The following ARIH2 variants were observed in gnomAD, a reference collection of about 807,000 sequenced individuals.
The protein encoded by ARIH2 is E3 ubiquitin-protein ligase ARIH2.
A neutral mutation model predicts 79.8 loss-of-function variants in ARIH2; 12 were observed. The observed-to-expected ratio is 0.15, with a 90% confidence interval of 0.10 to 0.24. The LOEUF is 0.24. Ranked by LOEUF, ARIH2 falls within the 10% of genes least tolerant of loss-of-function variation. The pLI, the probability that ARIH2 is intolerant of heterozygous loss-of-function variation, is 1.00. For missense variants in ARIH2, 301 were observed against 618.3 expected (o/e 0.49, Z 5.44); for synonymous variants, 224 against 213.9 (o/e 1.05, Z -0.41).
intron 3 of ARIH2, among the ~76,000 whole-genome samples, chr3:48,929,085 C>G (rs2086024382): frequency 6.6e-6 from 1 of 152,102 alleles, no homozygotes; most frequent in Non-Finnish European, 1.5e-5. Flanking sequence ...GTCATACTGT[C>G]AGGTTATATA....
chr3:48,939,783 CAAAAAAACAAAA>C (rs1234510731), intron 3 of ARIH2, among the ~76,000 whole-genome samples: 106 of 132,746 alleles, frequency 8.0e-4, no homozygotes, highest in African/African-American at 2.8e-3. Flanking sequence ...AAAACAAAAA[CAAAAAAACAAAA>C]AAAAAAACTG....
chr3:48,933,643 G>A (rs890937866), intron 3 of ARIH2, among the ~76,000 whole-genome samples: 1 of 150,106 alleles, frequency 6.7e-6, no homozygotes, highest in Admixed American at 6.7e-5. Context: ...TCCGCCTACC[G>A]GGTTCATACC....
At chr3:48,940,279 A>G (rs941284674) in intron 3 of ARIH2, among the ~76,000 whole-genome samples, 1 of 152,200 alleles carries the variant, frequency 6.6e-6, no homozygotes, top group African/African-American at 2.4e-5. Context: ...CTGAGGTGGG[A>G]GAATCACTTG....
intron 1 of ARIH2, among the ~76,000 whole-genome samples, chr3:48,920,088 T>TC: frequency 6.6e-6 from 1 of 151,128 alleles, no homozygotes; most frequent in Non-Finnish European, 1.5e-5. Context: ...CAAGTGATCC[T>TC]CCTTTCTTAG....
intron 3 of ARIH2, among the ~76,000 whole-genome samples, chr3:48,947,211 C>T (rs533177430): frequency 6.6e-6 from 1 of 152,208 alleles, no homozygotes; most frequent in Non-Finnish European, 1.5e-5. Context: ...GAGGCCGAGG[C>T]GGGGGGATCA....
intron 3 of ARIH2, chr3:48,949,206 C>T (rs1012024437): frequency 2.4e-6 from 1 of 424,564 alleles, no homozygotes; most frequent in Non-Finnish European, 4.8e-6. Flanking sequence ...CAAGCTCCAC[C>T]TCCTGGGTTC....
intron 3 of ARIH2, chr3:48,945,274 T>C (rs2088954399): frequency 8.6e-7 from 1 of 1,162,076 alleles, no homozygotes; most frequent in Non-Finnish European, 1.1e-6. Context: ...GTTGTTAACT[T>C]GTCCTTGAGG....
chr3:48,958,227 G>A (rs1370368368), intron 3 of ARIH2, among the ~76,000 whole-genome samples: 1 of 151,944 alleles, frequency 6.6e-6, no homozygotes, highest in Non-Finnish European at 1.5e-5. Context: ...AGGCTGAGGT[G>A]AGAGTATTGC....
In ARIH2 at chr3:48,977,503, G is replaced by A. The variant is rs1210280206; in HGVS notation, c.962-1979G>A. Among the ~76,000 whole-genome samples, 6 of 151,910 alleles carry A rather than the reference G, an allele frequency of 3.9e-5. No homozygotes were observed. In the East Asian group the frequency reaches 1.2e-3, roughly 30 times the overall value. On this transcript the variant is annotated intron_variant, in intron 11 of 15. Transcript: ENST00000356401. ...GACAGAGTCTCACTCTGTCGCCTGG[G>A]CTAGAGTGCAGTGGTGCGATCTCGG...
chr3:48,945,887 C>T (rs2089055401), intron 3 of ARIH2, among the ~76,000 whole-genome samples: 1 of 152,132 alleles, frequency 6.6e-6, no homozygotes, highest in Admixed American at 6.5e-5. Context: ...AAGCAAATTG[C>T]TATTGGAATT....
intron 3 of ARIH2, among the ~76,000 whole-genome samples, chr3:48,932,479 C>A (rs1352276129): frequency 1.3e-5 from 2 of 152,160 alleles, no homozygotes; most frequent in Admixed American, 6.6e-5. Context: ...GAAAGAGGTC[C>A]TTCTTGTAAC....
chr3:48,977,259 C>T (rs1327174309), intron 11 of ARIH2, among the ~76,000 whole-genome samples: 1 of 152,008 alleles, frequency 6.6e-6, no homozygotes, highest in Admixed American at 6.6e-5. Flanking sequence ...TGTTTTATAC[C>T]ACCTATATGG....
At chr3:48,934,074 C>CT (rs1481621804) in intron 3 of ARIH2, among the ~76,000 whole-genome samples, 3 of 152,134 alleles carry the variant, frequency 2.0e-5, no homozygotes, top group Admixed American at 1.3e-4. Flanking sequence ...GAAAATCTCT[C>CT]TAAGATTCTG....
intron 11 of ARIH2, among the ~76,000 whole-genome samples, chr3:48,975,932 A>G (rs2092472049): frequency 6.7e-6 from 1 of 150,030 alleles, no homozygotes; most frequent in South Asian, 2.1e-4. Flanking sequence ...ATTTTTTGAG[A>G]CAGAGTCTCA....
At chr3:48,970,992 G>A (rs1192436452) in intron 8 of ARIH2, among the ~76,000 whole-genome samples, 1 of 152,220 alleles carries the variant, frequency 6.6e-6, no homozygotes, top group African/African-American at 2.4e-5. Flanking sequence ...GTATCTGCCT[G>A]CATAGCTAAT....
intron 9 of ARIH2, 175 bp from the exon 10 acceptor site, chr3:48,974,642 A>T: frequency 1.5e-6 from 1 of 659,820 alleles, no homozygotes; most frequent in South Asian, 1.7e-5. Context: ...TGCTGACCTC[A>T]TTTCCTTGAA....
chr3:48,970,187 C>T (rs1388581116), intron 7 of ARIH2, among the ~76,000 whole-genome samples: 13 of 47,376 alleles, frequency 2.7e-4, no homozygotes, highest in East Asian at 8.8e-3. Context: ...CCACCGCGCC[C>T]GGCCTTGTTA....
chr3:48,934,766 TG>T, intron 3 of ARIH2: 1 of 985,428 alleles, frequency 1.0e-6, no homozygotes, highest in Non-Finnish European at 1.2e-6. Context: ...AAGATGTCCT[TG>T]TCTTGCCAGC....
intron 1 of ARIH2, 83 bp downstream of exon 1, chr3:48,919,081 C>G: frequency 1.6e-6 from 2 of 1,272,652 alleles, no homozygotes; most frequent in Non-Finnish European, 2.0e-6. Flanking sequence ...CTGGCCGGGC[C>G]GGGACTCCGC....
Sources: allele counts gnomAD v4.1 joint callset (sites outside exome capture counted in the v4.1 genomes callset), GRCh38; gene constraint gnomAD v4.1.1; transcripts MANE v1.5; gene names NCBI Gene and HGNC (gene_info 2026-07-23, HGNC 2026-07-21).